MACROD2: variants seen among roughly 807,000 people sequenced by gnomAD.
MACROD2 encodes ADP-ribose glycohydrolase MACROD2.
In MACROD2, 36 loss-of-function variants were observed where a neutral mutation model predicts 70.4. The observed-to-expected ratio is 0.51, with a 90% CI of 0.39 to 0.68. The LOEUF (loss-of-function observed/expected upper bound fraction) is 0.68, where lower values mean the gene tolerates loss of function less well. Among genes scored for constraint, MACROD2 ranks in the 30% least tolerant of loss-of-function variants. The pLI, the probability that MACROD2 is intolerant of heterozygous loss-of-function variation, is 0.00. For synonymous variants in MACROD2, 172 were observed against 178.8 expected (o/e 0.96, Z 0.30); for missense variants, 496 against 538.4 (o/e 0.92, Z 0.78).
At chr20:14,346,569 A>G (rs2083066758) in intron 3 of MACROD2, among the ~76,000 whole-genome samples, 1 of 152,230 alleles carries the variant, frequency 6.6e-6, no homozygotes, top group Non-Finnish European at 1.5e-5. Flanking sequence ...GAGAGGTTAC[A>G]GTTTTTTAAA....
chr20:14,194,780 G>T (rs2081416488), intron 3 of MACROD2, among the ~76,000 whole-genome samples: 1 of 152,160 alleles, frequency 6.6e-6, no homozygotes, highest in Non-Finnish European at 1.5e-5. Context: ...AGAAAGCTTG[G>T]TTTGATGCCT....
intron 16 of MACROD2, among the ~76,000 whole-genome samples, chr20:16,043,493 A>T (rs1804460420): frequency 6.6e-6 from 1 of 152,092 alleles, no homozygotes; most frequent in African/African-American, 2.4e-5. Context: ...GCTTGAGAAA[A>T]TATCAATCTA....
At chr20:15,608,194 T>C (rs550945879) in intron 8 of MACROD2, among the ~76,000 whole-genome samples, 8 of 152,334 alleles carry the variant, frequency 5.3e-5, no homozygotes, top group Admixed American at 3.3e-4. Context: ...TGTGATAACG[T>C]CCTGTATCTT....
intron 7 of MACROD2, among the ~76,000 whole-genome samples, chr20:15,484,557 C>T (rs999248515): frequency 6.6e-6 from 1 of 152,106 alleles, no homozygotes; most frequent in African/African-American, 2.4e-5. Context: ...GATAGAACCC[C>T]AATAGTTTAG....
At chr20:15,951,029 G>A (rs745860993) in intron 12 of MACROD2, among the ~76,000 whole-genome samples, 1 of 152,044 alleles carries the variant, frequency 6.6e-6, no homozygotes, top group African/African-American at 2.4e-5. Flanking sequence ...ACTCAAGAAC[G>A]CAGTTTAAAG....
intron 4 of MACROD2, among the ~76,000 whole-genome samples, chr20:14,602,184 G>A (rs1982541288): frequency 6.6e-6 from 1 of 152,200 alleles, no homozygotes; most frequent in Non-Finnish European, 1.5e-5. Flanking sequence ...GTTCTGTAAA[G>A]CAGGTCTGCC....
At chr20:14,977,535 G>A (rs1373869853) in intron 5 of MACROD2, among the ~76,000 whole-genome samples, 2 of 150,884 alleles carry the variant, frequency 1.3e-5, no homozygotes, top group Non-Finnish European at 2.9e-5. Context: ...GATTATCCTG[G>A]ACAAGCTGAA....
At chr20:15,878,176 A>G (rs775083362) in intron 9 of MACROD2, among the ~76,000 whole-genome samples, 5 of 152,014 alleles carry the variant, frequency 3.3e-5, no homozygotes, top group Non-Finnish European at 7.4e-5. Flanking sequence ...GCACATAAGA[A>G]AGCATACAGT....
intron 8 of MACROD2, among the ~76,000 whole-genome samples, chr20:15,635,561 C>A (rs1176255787): frequency 2.7e-5 from 4 of 150,340 alleles, no homozygotes; most frequent in Non-Finnish European, 5.9e-5. Context: ...CATAAAGATG[C>A]AACAATAGAC....
chr20:15,385,447 A>C (rs1174608779), intron 6 of MACROD2, among the ~76,000 whole-genome samples: 1 of 152,170 alleles, frequency 6.6e-6, no homozygotes, highest in African/African-American at 2.4e-5. Context: ...CTGTATGAAT[A>C]CTGAGTGACA....
chr20:15,620,629 A>G (rs2049111909), intron 8 of MACROD2, among the ~76,000 whole-genome samples: 1 of 152,140 alleles, frequency 6.6e-6, no homozygotes, highest in African/African-American at 2.4e-5. Context: ...CACTTAGACT[A>G]TTCATGTAAT....
chr20:14,532,828 A>G (rs756610630), intron 4 of MACROD2, among the ~76,000 whole-genome samples: 2 of 152,328 alleles, frequency 1.3e-5, no homozygotes, highest in Non-Finnish European at 2.9e-5. Context: ...TCTTCAAGTA[A>G]TCCCTGGGTG....
intron 8 of MACROD2, among the ~76,000 whole-genome samples, chr20:15,827,899 G>T (rs181795465): frequency 6.6e-6 from 1 of 152,300 alleles, no homozygotes; most frequent in East Asian, 1.9e-4. Flanking sequence ...AGAATGCATG[G>T]CTTCTGGAGA....
intron 8 of MACROD2, among the ~76,000 whole-genome samples, chr20:15,575,465 G>A (rs1454174582): frequency 7.9e-5 from 12 of 152,150 alleles, no homozygotes; most frequent in Admixed American, 7.9e-4. Flanking sequence ...GCTCTAGTGA[G>A]GACCTAGGGC....
intron 6 of MACROD2, among the ~76,000 whole-genome samples, chr20:15,365,109 CCA>C (rs2146252078): frequency 6.6e-6 from 1 of 152,142 alleles, no homozygotes; most frequent in South Asian, 2.1e-4. Flanking sequence ...TATAATTGTA[CCA>C]CACATTAGTT....
intron 6 of MACROD2, among the ~76,000 whole-genome samples, chr20:15,312,674 C>T (rs1402109764): frequency 6.6e-6 from 1 of 151,996 alleles, no homozygotes; most frequent in Non-Finnish European, 1.5e-5. Context: ...AAAAACATAG[C>T]TGTAAGGATA....
chr20:14,497,527 C>T (rs1304192692), intron 4 of MACROD2, among the ~76,000 whole-genome samples: 1 of 151,554 alleles, frequency 6.6e-6, no homozygotes, highest in Non-Finnish European at 1.5e-5. Flanking sequence ...CGGTCTCTTA[C>T]TTTAGATAAT....
At chr20:14,066,563 C>T (rs558804249) in intron 2 of MACROD2, among the ~76,000 whole-genome samples, 1 of 152,160 alleles carries the variant, frequency 6.6e-6, no homozygotes, top group Non-Finnish European at 1.5e-5. Flanking sequence ...ACCCAAGACC[C>T]ACAGTAAGAA....
At chr20:14,892,107 T>C (rs1049111138) in intron 5 of MACROD2, among the ~76,000 whole-genome samples, 1 of 152,210 alleles carries the variant, frequency 6.6e-6, no homozygotes, top group African/African-American at 2.4e-5. Context: ...TTTCATGACA[T>C]ACCAAACTAA....
Sources: gnomAD v4.1 joint callset for allele counts (sites outside exome capture counted in the v4.1 genomes callset) on GRCh38, gnomAD v4.1.1 for gene constraint, MANE v1.5 for transcripts, NCBI Gene and HGNC (gene_info 2026-07-23, HGNC 2026-07-21) for gene names.